Variants in SLC4A8 observed in about 807,000 individuals in gnomAD.
SLC4A8 encodes the protein solute carrier family 4 member 8, also known as electroneutral sodium bicarbonate exchanger 1.
SLC4A8 carries 40 observed loss-of-function variants against 125.0 expected under a neutral mutation model. That is an observed-to-expected ratio of 0.32 (90% confidence interval 0.25 to 0.42). The LOEUF (loss-of-function observed/expected upper bound fraction) is 0.42. SLC4A8 is among the 10% of genes least tolerant of loss of function. The pLI is 1.00. For synonymous variants in SLC4A8, 456 were observed against 476.0 expected, an observed-to-expected ratio of 0.96 and a Z score of 0.55; for missense variants, 863 against 1,355.1, an observed-to-expected ratio of 0.64 and a Z score of 5.70.
chr12:51,408,627 C>G (rs1020863104), intron 1 of SLC4A8, among the ~76,000 whole-genome samples: 2 of 152,198 alleles, frequency 1.3e-5, no homozygotes, highest in Admixed American at 6.5e-5. Context: ...TCAGGGGCGA[C>G]AGCGCAGGAG....
intron 16 of SLC4A8, among the ~76,000 whole-genome samples, chr12:51,479,606 C>T (rs1164746136): frequency 2.0e-5 from 3 of 150,784 alleles, no homozygotes; most frequent in Non-Finnish European, 4.4e-5. Flanking sequence ...TTGCTTGAGC[C>T]CAGGAGGTGG....
intron 16 of SLC4A8, chr12:51,479,969 A>T (rs1051940130): frequency 9.9e-6 from 3 of 302,548 alleles, no homozygotes; most frequent in Admixed American, 4.3e-5. Context: ...TATAAATGGA[A>T]TTTTTTTTTT....
intron 1 of SLC4A8, among the ~76,000 whole-genome samples, chr12:51,396,499 A>T (rs75113946): frequency 6.6e-6 from 1 of 152,056 alleles, no homozygotes; most frequent in African/African-American, 2.4e-5. Flanking sequence ...ATTTTAAAAA[A>T]ATCAAAATTA....
intron 20 of SLC4A8, among the ~76,000 whole-genome samples, 189 bp downstream of exon 20, chr12:51,493,961 C>T (rs1951389436): frequency 1.3e-5 from 2 of 152,336 alleles, no homozygotes; most frequent in East Asian, 1.9e-4. Context: ...CAGGAGAGTA[C>T]AGAGACTTCC....
At chr12:51,456,016 G>A (rs1441687580) in intron 5 of SLC4A8, among the ~76,000 whole-genome samples, 1 of 152,170 alleles carries the variant, frequency 6.6e-6, no homozygotes, top group African/African-American at 2.4e-5. Flanking sequence ...TGATCAATCA[G>A]ATTTTGCATA....
chr12:51,445,750 C>T (rs1204478360), intron 2 of SLC4A8, among the ~76,000 whole-genome samples: 3 of 151,956 alleles, frequency 2.0e-5, no homozygotes, highest in Non-Finnish European at 4.4e-5. Context: ...TTAAAGTCTC[C>T]CTTCTCCATC....
chr12:51,459,536 AT>A (rs1183611062), intron 7 of SLC4A8, among the ~76,000 whole-genome samples: 9 of 152,040 alleles, frequency 5.9e-5, no homozygotes, highest in African/African-American at 2.2e-4. Flanking sequence ...ATAAGAAAAC[AT>A]TTGCTAACCA....
At chr12:51,421,009 A>G (rs577427645), upstream of SLC4A8, among the ~76,000 whole-genome samples, 2 of 151,228 alleles carry the variant, frequency 1.3e-5, no homozygotes, top group African/African-American at 2.4e-5. Context: ...CTGCCTCCCT[A>G]TTGGTATGAT....
chr12:51,462,528 A>T, intron 10 of SLC4A8, 72 bp downstream of exon 10: 1 of 1,192,074 alleles, frequency 8.4e-7, no homozygotes, highest in Non-Finnish European at 1.2e-6. Context: ...AGCAAAGACC[A>T]TGTGGGTATA....
intron 1 of SLC4A8, among the ~76,000 whole-genome samples, chr12:51,432,385 TG>T (rs1405130023): frequency 2.7e-4 from 33 of 120,120 alleles, no homozygotes; most frequent in Middle Eastern, 6.3e-3. Context: ...CACTCCAGCC[TG>T]GGCGACAGAG....
upstream of SLC4A8, among the ~76,000 whole-genome samples, chr12:51,424,032 G>A (rs1222650770): frequency 1.6e-4 from 9 of 54,826 alleles, no homozygotes; most frequent in African/African-American, 5.2e-4. Context: ...GTGAAACTTC[G>A]TCTCCAAAAA....
At position 51,465,534 on chromosome 12, in the gene SLC4A8, C is replaced by G. The variant is rs141833513; in HGVS notation, c.1349+1820C>G. ...GCCAGGATCATCATATTCTTATTCA[C>G]AAACCGCAAGTATCTTAACTCACAA... On this transcript the variant is annotated intron_variant, in intron 11 of 24. Coordinates refer to ENST00000453097, the MANE Select transcript of SLC4A8 (RefSeq NM_001039960.3). Among the ~76,000 whole-genome samples the G allele has an allele frequency of 2.9e-3, 446 of 152,276 alleles. 3 individuals carry two copies. The highest frequency in any genetic ancestry group is 0.01 in the African/African-American group (425 of 41,550).
rs1950657818 is a variant in SLC4A8, at chr12:51,470,423, T to C, written c.1556T>C (p.Met519Thr). ...ATTGAATCCTTGTTTGGAGCTTCCA[T>C]GACTGGGATTGCTTATTCCTTGTTT... ...SAIESLFGAS[M>T]TGIAYSLFAG... Residue 519 changes from methionine to threonine, a missense_variant, in exon 13 of 25, where the codon ATG (methionine) becomes ACG (threonine). Transcript: ENST00000453097. 1 of 1,613,968 alleles carries C rather than the reference T, an allele frequency of 6.2e-7. No individual in the cohort carries two copies. Among genetic ancestry groups the C allele is most frequent in the Admixed American group, 1.7e-5 (1 of 60,012 alleles).
intron 6 of SLC4A8, 110 bp from the exon 7 acceptor site, chr12:51,458,449 T>C: frequency 2.7e-6 from 2 of 743,564 alleles, no homozygotes; most frequent in Non-Finnish European, 4.7e-6. Context: ...CTTAACCTCT[T>C]TTCTAGATAG....
At chr12:51,473,495 T>C (rs1276793820) in intron 14 of SLC4A8, among the ~76,000 whole-genome samples, 2 of 152,248 alleles carry the variant, frequency 1.3e-5, no homozygotes, top group Non-Finnish European at 2.9e-5. Flanking sequence ...CTATTACTTT[T>C]CGTTTTGTCA....
In SLC4A8 at chr12:51,452,332, C is replaced by T. The variant is rs1305257978; in HGVS notation, c.413+73C>T. 5 of 1,516,020 alleles carry T rather than the reference C, an allele frequency of 3.3e-6. No homozygotes were observed. The East Asian group carries it at 6.8e-5, about 21-fold the overall frequency. 93.9% of individuals were successfully genotyped at this position (1,516,020 alleles called of 1,614,324 possible). On this transcript the variant is annotated intron_variant, in intron 4 of 24. Transcript: ENST00000453097. ...TGTGTACCCTTCAGCAAGTGACAGGCCTGCCTGCCTTATTTCTTCTTGGGA... is the reference window on the plus strand; with the variant it reads ...TGTGTACCCTTCAGCAAGTGACAGGTCTGCCTGCCTTATTTCTTCTTGGGA...
chr12:51,420,285 T>C (rs988433734), upstream of SLC4A8: 3 of 152,196 alleles, frequency 2.0e-5, no homozygotes, highest in South Asian at 2.1e-4. Context: ...TAATTGCAAG[T>C]AAAGCCTAAG....
At chr12:51,479,870 T>C (rs1305405428) in intron 16 of SLC4A8, 1 of 276,056 alleles carries the variant, frequency 3.6e-6, no homozygotes, top group African/African-American at 2.3e-5. Flanking sequence ...GCCCTTCTGA[T>C]GCCTAAACAT....
rs572603882 is a variant in SLC4A8, at chr12:51,443,704, G to C, written c.130+2915G>C. Among the ~76,000 whole-genome samples the C allele has an allele frequency of 3.3e-5, 5 of 152,186 alleles. No homozygotes were observed. In the South Asian group the frequency reaches 1.0e-3, roughly 32 times the overall value. ...GGTCATATTTATAACTTCTAAAAAG[G>C]CTTACATCTGCTCGACATGTGAGAT... On this transcript the variant is annotated intron_variant, in intron 2 of 24. Transcript: ENST00000453097.
Sources: allele counts gnomAD v4.1 joint callset (sites outside exome capture counted in the v4.1 genomes callset), GRCh38; gene constraint gnomAD v4.1.1; transcripts MANE v1.5; gene names NCBI Gene and HGNC (gene_info 2026-07-23, HGNC 2026-07-21).